The following ZNF33A variants were observed in gnomAD, a reference collection of about 807,000 sequenced individuals.
ZNF33A encodes the protein brain my041 protein.
In ZNF33A, 9 loss-of-function variants were observed where a neutral mutation model predicts 15.9. That is an observed-to-expected ratio of 0.57 (90% CI 0.34 to 0.99). The LOEUF is 0.99. ZNF33A is among the 50% of genes least tolerant of loss of function. The probability of loss-of-function intolerance (pLI) is 0.02; values close to 1 mark genes in which losing one functional copy is unlikely to be tolerated. For synonymous variants in ZNF33A, 294 were observed against 324.2 expected (o/e 0.91, Z 1.00); for missense variants, 843 against 941.6 (o/e 0.90, Z 1.37).
At position 38,010,725 on chromosome 10, in the gene ZNF33A, C is replaced by A. The variant is rs538123031; in HGVS notation, c.-103C>A. The A allele has an allele frequency of 6.3e-7, 1 of 1,598,384 alleles. No homozygotes were observed. Among genetic ancestry groups the A allele is most frequent in the Non-Finnish European group, 8.5e-7 (1 of 1,179,804 alleles). On this transcript the variant is annotated 5_prime_UTR_variant, in exon 1 of 5. Coordinates refer to ENST00000432900, the MANE Select transcript of ZNF33A (RefSeq NM_006954.2). ...TCAGGTTTTGCGTGGGAGGCGGTCCCGGGATTTCAAGGGTCTACGCGCTTT... is the reference window on the plus strand; with the variant it reads ...TCAGGTTTTGCGTGGGAGGCGGTCCAGGGATTTCAAGGGTCTACGCGCTTT...
chr10:38,029,572 T>C (rs1272955557), intron 4 of ZNF33A, among the ~76,000 whole-genome samples: 2 of 152,232 alleles, frequency 1.3e-5, no homozygotes, highest in African/African-American at 4.8e-5. Context: ...TCTTGTTTTT[T>C]GGTGTTTCTG....
At chr10:38,033,613 T>G (rs1312078868) in intron 4 of ZNF33A, among the ~76,000 whole-genome samples, 1 of 152,218 alleles carries the variant, frequency 6.6e-6, no homozygotes, top group African/African-American at 2.4e-5. Flanking sequence ...TGCAACATTT[T>G]TTATTAATAT....
intron 2 of ZNF33A, among the ~76,000 whole-genome samples, chr10:38,015,124 C>T (rs2064388093): frequency 6.6e-6 from 1 of 152,144 alleles, no homozygotes; most frequent in Non-Finnish European, 1.5e-5. Context: ...AGCCACCTGC[C>T]TTGACCTCCC....
intron 4 of ZNF33A, among the ~76,000 whole-genome samples, chr10:38,032,488 G>A (rs1249151221): frequency 6.6e-6 from 1 of 151,944 alleles, no homozygotes; most frequent in African/African-American, 2.4e-5. Context: ...TGTTGCCCAC[G>A]CTGGAGTGCA....
At position 38,057,772 on chromosome 10, in the gene ZNF33A, G is replaced by C. The variant is rs563483197; in HGVS notation, c.*1212G>C. The C allele has an allele frequency of 3.0e-6, 3 of 985,490 alleles. No homozygotes were observed. Among genetic ancestry groups the C allele is most frequent in the East Asian group, 2.3e-4 (2 of 8,802 alleles). 61.0% of individuals were successfully genotyped at this position (985,490 alleles called of 1,614,324 possible). On this transcript the variant is annotated 3_prime_UTR_variant, in exon 5 of 5. Transcript: ENST00000432900. ...GTGAACATTCCAGCCTTCAGCATAA[G>C]TGGTAGTCCAAATTTTCTTTAAGCA... is the stretch of plus-strand genomic sequence containing the variant.
At chr10:38,046,336 A>C (rs553657025) in intron 4 of ZNF33A, among the ~76,000 whole-genome samples, 1 of 152,332 alleles carries the variant, frequency 6.6e-6, no homozygotes, top group African/African-American at 2.4e-5. Context: ...ATACTCACAT[A>C]GGGCCTGGAA....
intron 2 of ZNF33A, among the ~76,000 whole-genome samples, chr10:38,016,553 C>T (rs1231477959): frequency 6.6e-6 from 1 of 152,208 alleles, no homozygotes; most frequent in Non-Finnish European, 1.5e-5. Context: ...TGTTAGTCTA[C>T]TGTGTTTGTA....
intron 4 of ZNF33A, among the ~76,000 whole-genome samples, chr10:38,021,416 A>G (rs2064732798): frequency 6.9e-6 from 1 of 145,096 alleles, no homozygotes; most frequent in Non-Finnish European, 1.5e-5. Flanking sequence ...TGGTAGAATT[A>G]CTAGCCATGA....
intron 4 of ZNF33A, among the ~76,000 whole-genome samples, chr10:38,018,971 AATTTT>A (rs911148989): frequency 1.3e-4 from 19 of 151,712 alleles, no homozygotes; most frequent in African/African-American, 2.9e-4. Flanking sequence ...AGCTTGTGAT[AATTTT>A]ATTTTATTTT....
intron 4 of ZNF33A, among the ~76,000 whole-genome samples, chr10:38,026,692 A>T (rs990498252): frequency 6.6e-6 from 1 of 152,172 alleles, no homozygotes; most frequent in Non-Finnish European, 1.5e-5. Flanking sequence ...CCATCAGCAA[A>T]CCCAAAGTTT....
At chr10:38,040,880 A>C (rs1380438085) in intron 4 of ZNF33A, among the ~76,000 whole-genome samples, 1 of 152,076 alleles carries the variant, frequency 6.6e-6, no homozygotes, top group Non-Finnish European at 1.5e-5. Flanking sequence ...ACCCCTTTGT[A>C]TGTTTAGGAT....
At chr10:38,034,534 G>A (rs2135653282) in intron 4 of ZNF33A, among the ~76,000 whole-genome samples, 1 of 152,302 alleles carries the variant, frequency 6.6e-6, no homozygotes, top group African/African-American at 2.4e-5. Context: ...CATGCATACT[G>A]TCACCATGTT....
rs576648257 is a variant in ZNF33A, at chr10:38,034,409, A to G, written c.250+17023A>G. Among the ~76,000 whole-genome samples the G allele has an allele frequency of 3.9e-5, 6 of 152,258 alleles. No individual in the cohort carries two copies. In the South Asian group the frequency reaches 1.0e-3, roughly 26 times the overall value. On this transcript the variant is annotated intron_variant, in intron 4 of 4. Transcript: ENST00000432900. ...TGAGGAGTCCTGGTGAGGTATATATAAATTCCATTTATTGGGATGTGTCTG... is the reference window on the plus strand; with the variant it reads ...TGAGGAGTCCTGGTGAGGTATATATGAATTCCATTTATTGGGATGTGTCTG...
At chr10:38,042,205 C>A (rs1057312904) in intron 4 of ZNF33A, among the ~76,000 whole-genome samples, 1 of 150,022 alleles carries the variant, frequency 6.7e-6, no homozygotes, top group Non-Finnish European at 1.5e-5. Flanking sequence ...TTTTTTTCCC[C>A]TGGGAGTCTC....
At chr10:38,011,364 C>A (rs952000305) in intron 1 of ZNF33A, among the ~76,000 whole-genome samples, 1 of 152,158 alleles carries the variant, frequency 6.6e-6, no homozygotes, top group Admixed American at 6.5e-5. Context: ...GCGGGTGGAT[C>A]ACCTGAGGTC....
intron 4 of ZNF33A, among the ~76,000 whole-genome samples, chr10:38,050,709 C>A (rs1306236414): frequency 2.0e-5 from 3 of 152,160 alleles, no homozygotes; most frequent in Non-Finnish European, 4.4e-5. Flanking sequence ...CAGAGAGGAC[C>A]CACAGTGTGA....
chr10:38,010,904 G>T, intron 1 of ZNF33A, 121 bp downstream of exon 1: 1 of 1,238,240 alleles, frequency 8.1e-7, no homozygotes. Flanking sequence ...GGGGAAGGCG[G>T]GGACGGCGGG....
In ZNF33A at chr10:38,056,516, TCA is replaced by T. The variant is rs1260238848; in HGVS notation, c.2396_2397del (p.His799LeufsTer6). 4 of 1,602,092 alleles carry T rather than the reference TCA, an allele frequency of 2.5e-6. No individual in the cohort carries two copies. Among genetic ancestry groups the T allele is most frequent in the Non-Finnish European group, 2.6e-6 (3 of 1,174,382 alleles). ...CAGCCTCCATAATGCCTCAGAGTAT[TCA>T]CACTGTGGAGAAAGCCCTGATGACA... ...QVSLHNASEY[S>X]HCGESPDDIL... On this transcript the variant is annotated frameshift_variant, in exon 5 of 5. Coordinates refer to ENST00000432900, the MANE Select transcript of ZNF33A (RefSeq NM_006954.2). LOFTEE classifies it low-confidence loss of function (END_TRUNC).
At chr10:38,049,099 T>C (rs1190392146) in intron 4 of ZNF33A, among the ~76,000 whole-genome samples, 5 of 152,144 alleles carry the variant, frequency 3.3e-5, no homozygotes, top group Non-Finnish European at 2.9e-5. Flanking sequence ...GGTTTAAATT[T>C]AGTTAAATTA....
Sources: gnomAD v4.1 joint callset for allele counts (sites outside exome capture counted in the v4.1 genomes callset) on GRCh38, gnomAD v4.1.1 for gene constraint, MANE v1.5 for transcripts, NCBI Gene and HGNC (gene_info 2026-07-23, HGNC 2026-07-21) for gene names.